Variants in GRIA4 observed in about 807,000 individuals in gnomAD.
GRIA4 encodes the protein glutamate receptor 4.
GRIA4 carries 34 observed loss-of-function variants against 104.0 expected under a neutral mutation model. That is an observed-to-expected ratio of 0.33 (90% CI 0.25 to 0.44). GRIA4 has a LOEUF of 0.44. Among genes scored for constraint, GRIA4 ranks in the 20% least tolerant of loss-of-function variants. GRIA4 has a pLI of 1.00. For missense variants in GRIA4, 750 were observed against 1,096.5 expected (o/e 0.68, Z 4.46); for synonymous variants, 386 against 381.9 (o/e 1.01, Z -0.13).
chr11:105,690,520 G>C (rs551614572), intron 3 of GRIA4, among the ~76,000 whole-genome samples: 1 of 152,178 alleles, frequency 6.6e-6, no homozygotes, highest in African/African-American at 2.4e-5. Context: ...CTTAAAAAGA[G>C]GGGGAGAGAG....
chr11:105,929,174 G>A (rs1947802850), intron 13 of GRIA4, among the ~76,000 whole-genome samples: 1 of 151,924 alleles, frequency 6.6e-6, no homozygotes, highest in South Asian at 2.1e-4. Flanking sequence ...ATGTTGACCT[G>A]GTTTAAATAA....
At chr11:105,719,275 T>G (rs1047703539) in intron 3 of GRIA4, among the ~76,000 whole-genome samples, 4 of 152,130 alleles carry the variant, frequency 2.6e-5, no homozygotes, top group African/African-American at 9.7e-5. Context: ...CTGGACAGAA[T>G]TGTGATTGGC....
chr11:105,829,502 C>A (rs557304113), intron 4 of GRIA4, among the ~76,000 whole-genome samples: 1 of 152,088 alleles, frequency 6.6e-6, no homozygotes, highest in East Asian at 1.9e-4. Flanking sequence ...CTTCCAGGAA[C>A]AGCCATCGCA....
chr11:105,663,037 A>C (rs910052169), intron 3 of GRIA4, among the ~76,000 whole-genome samples: 25 of 151,968 alleles, frequency 1.6e-4, no homozygotes, highest in Admixed American at 2.0e-4. Flanking sequence ...CAGATAATCT[A>C]AAATATCCTT....
chr11:105,918,640 A>T, intron 10 of GRIA4, 72 bp from the exon 11 acceptor site: 1 of 747,476 alleles, frequency 1.3e-6, no homozygotes, highest in East Asian at 2.7e-5. Flanking sequence ...AAATTCTGAA[A>T]TTGGAAAGTT....
intron 14 of GRIA4, among the ~76,000 whole-genome samples, chr11:105,938,358 T>C (rs1256342603): frequency 6.6e-6 from 1 of 152,144 alleles, no homozygotes; most frequent in Non-Finnish European, 1.5e-5. Context: ...TTTTTTGGTA[T>C]TATAAACAAG....
At position 105,637,059 on chromosome 11, in the gene GRIA4, C is replaced by T. The variant is rs60275885; in HGVS notation, c.247+24625C>T. Among the ~76,000 whole-genome samples, 634 of 152,126 alleles carry T rather than the reference C, an allele frequency of 4.2e-3. 5 individuals carry two copies. The highest frequency in any genetic ancestry group is 0.015 in the African/African-American group (603 of 41,520). ...GTAGGGGACAGAGAAGAATTTAGAA[C>T]GTTTATAAGATTAAAACTCTACCAA... On this transcript the variant is annotated intron_variant, in intron 3 of 16. Coordinates refer to ENST00000282499, the MANE Select transcript of GRIA4 (RefSeq NM_000829.4).
chr11:105,685,326 G>A (rs572094893), intron 3 of GRIA4, among the ~76,000 whole-genome samples: 9 of 152,130 alleles, frequency 5.9e-5, no homozygotes, highest in African/African-American at 9.7e-5. Flanking sequence ...TTACCAGCCC[G>A]AGCTCTAATT....
chr11:105,658,882 C>A (rs1009870863), intron 3 of GRIA4, among the ~76,000 whole-genome samples: 1 of 151,906 alleles, frequency 6.6e-6, no homozygotes, highest in African/African-American at 2.4e-5. Context: ...TGAAATTAAA[C>A]TCTACATTTC....
intron 14 of GRIA4, among the ~76,000 whole-genome samples, chr11:105,944,987 A>C (rs1948272982): frequency 6.6e-6 from 1 of 152,074 alleles, no homozygotes; most frequent in African/African-American, 2.4e-5. Context: ...TTTTATTTTC[A>C]CAATAATTAT....
chr11:105,619,230 G>T (rs944072037), intron 3 of GRIA4, among the ~76,000 whole-genome samples: 2 of 151,902 alleles, frequency 1.3e-5, no homozygotes, highest in African/African-American at 4.8e-5. Flanking sequence ...TAGTGGGCAA[G>T]TTACGTAACA....
At chr11:105,663,952 G>A (rs1420083747) in intron 3 of GRIA4, among the ~76,000 whole-genome samples, 1 of 151,420 alleles carries the variant, frequency 6.6e-6, no homozygotes, top group East Asian at 1.9e-4. Flanking sequence ...GGAGATAGAT[G>A]CACTACATGA....
intron 4 of GRIA4, among the ~76,000 whole-genome samples, chr11:105,856,932 A>C (rs1945028694): frequency 6.6e-6 from 1 of 152,162 alleles, no homozygotes; most frequent in South Asian, 2.1e-4. Context: ...AAAACTCAAG[A>C]CATTCCATCT....
At chr11:105,936,150 G>A (rs1022847971) in intron 14 of GRIA4, among the ~76,000 whole-genome samples, 1 of 152,120 alleles carries the variant, frequency 6.6e-6, no homozygotes, top group African/African-American at 2.4e-5. Context: ...AGCCATCTAA[G>A]CGGGAGACTC....
At chr11:105,900,757 T>C (rs1946825866) in intron 7 of GRIA4, among the ~76,000 whole-genome samples, 1 of 151,992 alleles carries the variant, frequency 6.6e-6, no homozygotes, top group Non-Finnish European at 1.5e-5. Context: ...ACCTGGCTAA[T>C]CTTTGTATTT....
chr11:105,817,083 A>C (rs1314895983), intron 4 of GRIA4, among the ~76,000 whole-genome samples: 1 of 152,052 alleles, frequency 6.6e-6, no homozygotes, highest in Non-Finnish European at 1.5e-5. Context: ...TTTGAATCCC[A>C]GCCTCTTCAC....
chr11:105,687,194 A>G (rs1414555364), intron 3 of GRIA4, among the ~76,000 whole-genome samples: 2 of 152,210 alleles, frequency 1.3e-5, no homozygotes, highest in Middle Eastern at 3.2e-3. Flanking sequence ...TTGAGAAACC[A>G]TGTGAGAAGT....
chr11:105,610,900 A>C lies in GRIA4; in HGVS notation c.-90-8A>C. 3.5e-6 allele frequency: 1 copy of C among 285,634 alleles called. No homozygotes were observed. The allele number at this position is 285,634 out of a possible 1,614,324, so 17.7% of individuals were successfully genotyped here. A position where few individuals can be genotyped will look rare whatever the true frequency, so the allele number is the denominator to read the frequency against. ...TTTTTTTTTTTTTTTGGTTGATTTT[A>C]ATTTTAGCGCCATCGTCTTCAATGC... On this transcript the variant is annotated splice_region_variant and splice_polypyrimidine_tract_variant and intron_variant, in intron 1 of 16. Transcript: ENST00000282499.
chr11:105,782,837 T>C (rs146066532), intron 4 of GRIA4, among the ~76,000 whole-genome samples: 2 of 152,336 alleles, frequency 1.3e-5, no homozygotes, highest in Non-Finnish European at 2.9e-5. Flanking sequence ...TGGGCTCAAA[T>C]AGACCTGGCT....
Sources: gnomAD v4.1 joint callset for allele counts (sites outside exome capture counted in the v4.1 genomes callset) on GRCh38, gnomAD v4.1.1 for gene constraint, MANE v1.5 for transcripts, NCBI Gene and HGNC (gene_info 2026-07-23, HGNC 2026-07-21) for gene names.